The following TRIM2 variants were observed in gnomAD, a reference collection of about 807,000 sequenced individuals.
TRIM2 encodes the protein tripartite motif containing 2.
A neutral mutation model predicts 75.2 loss-of-function variants in TRIM2; 20 were observed. The ratio of observed to expected loss-of-function variants is 0.27; its 90% CI spans 0.19 to 0.39. The LOEUF is 0.39. Among genes scored for constraint, TRIM2 ranks in the 10% least tolerant of loss-of-function variants. The pLI, the probability that TRIM2 is intolerant of heterozygous loss-of-function variation, is 1.00. For synonymous variants in TRIM2, 373 were observed against 388.3 expected, an observed-to-expected ratio of 0.96 and a Z score of 0.46; for missense variants, 660 against 990.8, an observed-to-expected ratio of 0.67 and a Z score of 4.48.
chr4:153,163,524 CAG>C (rs1358585301), intron 1 of TRIM2, among the ~76,000 whole-genome samples: 3 of 91,480 alleles, frequency 3.3e-5, no homozygotes, highest in African/African-American at 1.2e-4. Context: ...TTTTTTGAGG[CAG>C]AGTCTTGTTC....
intron 3 of TRIM2, among the ~76,000 whole-genome samples, chr4:153,282,839 A>G (rs1204431601): frequency 6.6e-6 from 1 of 151,802 alleles, no homozygotes; most frequent in East Asian, 1.9e-4. Flanking sequence ...CCCAGGCTGG[A>G]GTGCAGTGGC....
chr4:153,273,729 G>A (rs1215913268), intron 2 of TRIM2, among the ~76,000 whole-genome samples: 2 of 152,286 alleles, frequency 1.3e-5, no homozygotes, highest in African/African-American at 4.8e-5. Context: ...TAATTGCTCA[G>A]ACTAATGTGA....
chr4:153,214,076 C>T (rs1737813808), intron 1 of TRIM2, among the ~76,000 whole-genome samples: 1 of 151,898 alleles, frequency 6.6e-6, no homozygotes, highest in Admixed American at 6.6e-5. Context: ...TATCTGTGAC[C>T]ACACCTCTGA....
At chr4:153,289,483 G>C (rs952381406) in intron 3 of TRIM2, among the ~76,000 whole-genome samples, 3 of 152,094 alleles carry the variant, frequency 2.0e-5, no homozygotes, top group Non-Finnish European at 4.4e-5. Context: ...TAAAAAGAAG[G>C]ATAATAATAG....
chr4:153,246,672 G>T (rs924309865), intron 1 of TRIM2, among the ~76,000 whole-genome samples: 2 of 152,148 alleles, frequency 1.3e-5, no homozygotes, highest in African/African-American at 2.4e-5. Flanking sequence ...GTGGGAGAAA[G>T]GGGGAGGAAG....
chr4:153,271,360 T>C (rs556171970), intron 2 of TRIM2, among the ~76,000 whole-genome samples: 5 of 152,332 alleles, frequency 3.3e-5, no homozygotes, highest in African/African-American at 1.2e-4. Context: ...TGGAAATCAG[T>C]ATTTCAAATG....
chr4:153,196,374 C>A (rs963506849), intron 1 of TRIM2, among the ~76,000 whole-genome samples: 3 of 152,018 alleles, frequency 2.0e-5, no homozygotes, highest in Admixed American at 2.0e-4. Flanking sequence ...GAGGTCAAGG[C>A]TGCAGTGAGC....
chr4:153,203,587 CA>C (rs397878558), upstream of TRIM2, among the ~76,000 whole-genome samples: 54,268 of 131,400 alleles, frequency 0.41, 12,491 homozygotes, highest in African/African-American at 0.7. Flanking sequence ...GACTCTGTCT[CA>C]AAAAAAAAAA....
chr4:153,201,218 C>T (rs11931603), upstream of TRIM2, among the ~76,000 whole-genome samples: 9,745 of 152,290 alleles, frequency 0.064, 456 homozygotes, highest in Admixed American at 0.14. Flanking sequence ...CCCAACTCGG[C>T]CTCCCAAAGT....
At chr4:153,300,261 T>C (rs1388682603) in intron 6 of TRIM2, among the ~76,000 whole-genome samples, 2 of 152,126 alleles carry the variant, frequency 1.3e-5, no homozygotes, top group African/African-American at 4.8e-5. Flanking sequence ...TCTTTTGTCT[T>C]TTTTTTGAGA....
At chr4:153,328,429 CT>C (rs1770717577) in intron 10 of TRIM2, 100 bp from the exon 11 acceptor site, 2 of 1,082,910 alleles carry the variant, frequency 1.8e-6, no homozygotes. Flanking sequence ...AATGATAAGT[CT>C]TGTTATAAAT....
chr4:153,246,022 T>C (rs1485437546), intron 1 of TRIM2, among the ~76,000 whole-genome samples: 1 of 152,194 alleles, frequency 6.6e-6, no homozygotes, highest in Non-Finnish European at 1.5e-5. Context: ...ACAATAAAAT[T>C]GGGCAGTTGC....
At chr4:153,152,271 C>G (rs1013595937), upstream of TRIM2, 3 of 152,194 alleles carry the variant, frequency 2.0e-5, no homozygotes, top group South Asian at 4.1e-4. Context: ...AAACCACCCC[C>G]CGCAGAGGCA....
chr4:153,328,704 G>A (rs1245230539), intron 11 of TRIM2, 34 bp downstream of exon 11: 6 of 1,522,032 alleles, frequency 3.9e-6, no homozygotes, highest in Non-Finnish European at 5.3e-6. Context: ...TGGTTAGAGT[G>A]TTTGGTATTT....
At chr4:153,253,290 T>C (rs1751294336) in intron 1 of TRIM2, among the ~76,000 whole-genome samples, 1 of 152,168 alleles carries the variant, frequency 6.6e-6, no homozygotes, top group East Asian at 1.9e-4. Flanking sequence ...GACATTAGTG[T>C]TGTGGGGACA....
At chr4:153,321,879 A>C (rs992339542) in intron 8 of TRIM2, among the ~76,000 whole-genome samples, 2 of 152,090 alleles carry the variant, frequency 1.3e-5, no homozygotes, top group African/African-American at 4.8e-5. Context: ...TGCCATTAGG[A>C]GTTGTCGAGT....
Position 153,156,445 on chromosome 4 carries a change from C to G in TRIM2, c.-49+3175C>G, listed in dbSNP as rs565566410. ...ATTCTGAGACAGTGAGAATTCTAAC[C>G]ATTCTTAACCACGCCTGCCACCTCC... On this transcript the variant is annotated intron_variant, in intron 1 of 11. Coordinates refer to the TRIM2 transcript ENST00000437508. 3.3e-5 allele frequency among the ~76,000 whole-genome samples: 5 copies of G among 152,186 alleles called. No homozygotes were observed. The South Asian group carries it at 1.0e-3, about 32-fold the overall frequency.
intron 6 of TRIM2, among the ~76,000 whole-genome samples, chr4:153,309,381 C>A (rs1270693117): frequency 6.6e-6 from 1 of 152,092 alleles, no homozygotes; most frequent in Non-Finnish European, 1.5e-5. Context: ...GTCCTGCTAT[C>A]TCATGGGATG....
At chr4:153,285,027 A>G (rs1307331046) in intron 3 of TRIM2, among the ~76,000 whole-genome samples, 2 of 152,182 alleles carry the variant, frequency 1.3e-5, no homozygotes, top group African/African-American at 2.4e-5. Context: ...ATTCAAGGTC[A>G]TGAAAATTCA....
Sources: allele counts gnomAD v4.1 joint callset (sites outside exome capture counted in the v4.1 genomes callset), GRCh38; gene constraint gnomAD v4.1.1; transcripts MANE v1.5; gene names NCBI Gene and HGNC (gene_info 2026-07-23, HGNC 2026-07-21).